VPS13C: variants seen among roughly 807,000 people sequenced by gnomAD.
The protein encoded by VPS13C is vacuolar protein sorting 13 homolog C, also known as intermembrane lipid transfer protein VPS13C.
VPS13C carries 358 observed loss-of-function variants against 456.8 expected under a neutral mutation model. That is an observed-to-expected ratio of 0.78 (90% CI 0.72 to 0.86). The LOEUF (loss-of-function observed/expected upper bound fraction) is 0.86, where lower values mean the gene tolerates loss of function less well. VPS13C is among the 40% of genes least tolerant of loss of function. The probability of loss-of-function intolerance (pLI) is 0.00; values close to 1 mark genes in which losing one functional copy is unlikely to be tolerated. For synonymous variants in VPS13C, 1,578 were observed against 1,486.7 expected, an observed-to-expected ratio of 1.06 and a Z score of -1.41; for missense variants, 4,818 against 4,385.4, an observed-to-expected ratio of 1.10 and a Z score of -2.79.
At position 61,866,676 on chromosome 15, in the gene VPS13C, G is replaced by T. The variant is rs145068829; in HGVS notation, c.10863+1983C>A. 840 of 985,018 alleles carry T rather than the reference G, an allele frequency of 8.5e-4. 7 individuals are homozygous for T. In the African/African-American group the frequency reaches 0.014, roughly 16 times the overall value. The allele number at this position is 985,018 out of a possible 1,614,324, so 61.0% of individuals were successfully genotyped here. On this transcript the variant is annotated intron_variant, in intron 81 of 84. Coordinates refer to ENST00000644861, the MANE Select transcript of VPS13C (RefSeq NM_020821.3). Reference sequence around the variant, plus strand: ...AAAGGTTTGTCAGCTACTTTTAACAGTTACATGTTTTGTTATACTTGGTCC... The same window carrying T: ...AAAGGTTTGTCAGCTACTTTTAACATTTACATGTTTTGTTATACTTGGTCC...
At chr15:61,857,820 A>C (rs1391205441) in intron 82 of VPS13C, among the ~76,000 whole-genome samples, 4 of 152,202 alleles carry the variant, frequency 2.6e-5, no homozygotes, top group African/African-American at 9.6e-5. Flanking sequence ...TAGAAGGCAG[A>C]CATGAATGAA....
At chr15:62,026,388 ATC>A (rs1220918004) in intron 6 of VPS13C, among the ~76,000 whole-genome samples, 1 of 152,088 alleles carries the variant, frequency 6.6e-6, no homozygotes, top group African/African-American at 2.4e-5. Flanking sequence ...CAAAAGTCAC[ATC>A]TGTTAATATT....
intron 23 of VPS13C, 100 bp from the exon 24 acceptor site, chr15:61,977,299 C>G: frequency 1.3e-6 from 1 of 741,104 alleles, no homozygotes; most frequent in Middle Eastern, 4.1e-4. Flanking sequence ...AATTGTCAGA[C>G]ATTCTATGGA....
chr15:61,900,670 A>C (rs1255895415), intron 66 of VPS13C, among the ~76,000 whole-genome samples: 6 of 147,808 alleles, frequency 4.1e-5, no homozygotes, highest in Admixed American at 6.8e-5. Context: ...ATATCGTGAA[A>C]ATGGCCATAC....
At chr15:61,962,022 T>C in intron 34 of VPS13C, 129 bp from the exon 35 acceptor site, 1 of 1,039,932 alleles carries the variant, frequency 9.6e-7, no homozygotes, top group Non-Finnish European at 1.4e-6. Context: ...AGCCCTATTT[T>C]TCTAGCAGTA....
At chr15:61,997,637 A>G (rs558232003) in intron 16 of VPS13C, among the ~76,000 whole-genome samples, 1 of 152,234 alleles carries the variant, frequency 6.6e-6, no homozygotes, top group African/African-American at 2.4e-5. Context: ...AACTGCTCCA[A>G]GTCAAAATAT....
intron 41 of VPS13C, among the ~76,000 whole-genome samples, chr15:61,950,055 G>A (rs753819578): frequency 1.1e-4 from 16 of 152,022 alleles, no homozygotes; most frequent in East Asian, 1.9e-4. Flanking sequence ...TTCCATCAAC[G>A]CTAGGCCAAA....
At chr15:62,026,542 A>G (rs1004190126) in intron 6 of VPS13C, among the ~76,000 whole-genome samples, 2 of 151,796 alleles carry the variant, frequency 1.3e-5, no homozygotes, top group African/African-American at 4.9e-5. Flanking sequence ...CTTTTCCTTG[A>G]AGTGGTTTTG....
intron 1 of VPS13C, among the ~76,000 whole-genome samples, chr15:62,046,300 T>C (rs1302160335): frequency 6.6e-6 from 1 of 152,170 alleles, no homozygotes; most frequent in African/African-American, 2.4e-5. Context: ...GGAGGCAGAA[T>C]TGACAGGATA....
chr15:61,867,832 T>TA lies in VPS13C; in HGVS notation c.10863+826dup. 6.5e-7 allele frequency: 1 copy of TA among 1,540,360 alleles called. No individual in the cohort carries two copies. The highest frequency in any genetic ancestry group is 1.3e-5 in the South Asian group (1 of 79,764). ...GTGAGAGTTTTAAAGAAAATTTCAT[T>TA]AAAATTGACAATGGAATTCACACAC... On this transcript the variant is annotated intron_variant, in intron 81 of 84. Coordinates refer to ENST00000644861, the MANE Select transcript of VPS13C (RefSeq NM_020821.3). The surrounding 1 kb of genome is among the most constrained non-coding windows in gnomAD (Gnocchi z 5.0).
chr15:61,881,538 A>G (rs758516840), intron 71 of VPS13C, 25 bp downstream of exon 71: 2 of 1,557,926 alleles, frequency 1.3e-6, no homozygotes, highest in African/African-American at 2.8e-5. Flanking sequence ...ATTCTTTTAG[A>G]GAAACAGCAG....
chr15:61,915,799 A>C lies in VPS13C; in HGVS notation c.8279T>G (p.Ile2760Ser), dbSNP rs1391061989. ...TVDLSVHVRRIGSRMVLSVFS... is the reference protein window; with the variant it reads ...TVDLSVHVRRSGSRMVLSVFS... ...GACAGACAGCACCATCCGGCTGCCA[A>C]TTCTCCTGACGTGGACTGACAGGTC... The change falls in exon 61 of 85, where the codon ATT becomes AGT. Residue 2760 changes from isoleucine to serine, a missense_variant. Around this residue, in one of 3 missense-constraint regions of VPS13C, gnomAD observed 4,552 missense variants for 4,130.6 expected, o/e 1.10. Transcript: ENST00000644861. The C allele has an allele frequency of 6.2e-7, 1 of 1,614,106 alleles. No individual in the cohort carries two copies. Among genetic ancestry groups the C allele is most frequent in the Non-Finnish European group, 8.5e-7 (1 of 1,180,010 alleles).
rs7179381 is a variant in VPS13C, at chr15:62,017,428, G to A, written c.684+3051C>T. Among the ~76,000 whole-genome samples, 769 of 152,124 alleles carry A rather than the reference G, an allele frequency of 5.1e-3. 10 individuals are homozygous for A. The highest frequency in any genetic ancestry group is 0.018 in the African/African-American group (743 of 41,528). ...GTTTTTATGGTTTTAGGTCTAACAT[G>A]TAAGTCTTTAGTCCATCTTGAATTG... On this transcript the variant is annotated intron_variant, in intron 9 of 84. Transcript: ENST00000644861.
intron 47 of VPS13C, among the ~76,000 whole-genome samples, chr15:61,937,690 G>T (rs544333606): frequency 6.6e-6 from 1 of 152,254 alleles, no homozygotes; most frequent in East Asian, 1.9e-4. Context: ...TAGCCAGGAT[G>T]GTCTCGATCT....
At chr15:61,860,343 A>G (rs1005955021) in intron 82 of VPS13C, among the ~76,000 whole-genome samples, 1 of 152,184 alleles carries the variant, frequency 6.6e-6, no homozygotes, top group Non-Finnish European at 1.5e-5. Context: ...GTCTCAGCAA[A>G]ACACAGGAGA....
At chr15:61,932,625 T>A (rs1367495765) in intron 49 of VPS13C, among the ~76,000 whole-genome samples, 1 of 151,340 alleles carries the variant, frequency 6.6e-6, no homozygotes, top group African/African-American at 2.4e-5. Flanking sequence ...ATAATAGGGG[T>A]GCTGGGTATG....
chr15:61,887,342 T>C (rs1440907839), intron 67 of VPS13C, among the ~76,000 whole-genome samples: 1 of 152,224 alleles, frequency 6.6e-6, no homozygotes, highest in Non-Finnish European at 1.5e-5. Context: ...ATACAATGTG[T>C]ATGTGATCTA....
chr15:61,963,508 C>G (rs1034324666), intron 32 of VPS13C, among the ~76,000 whole-genome samples: 19 of 152,084 alleles, frequency 1.2e-4, no homozygotes, highest in Non-Finnish European at 2.4e-4. Context: ...CTAGAAAGCA[C>G]GTCCACAGAC....
intron 4 of VPS13C, among the ~76,000 whole-genome samples, chr15:62,034,118 T>C (rs1205547122): frequency 6.6e-6 from 1 of 151,668 alleles, no homozygotes; most frequent in Non-Finnish European, 1.5e-5. Context: ...TAGTATTGAC[T>C]AGTATTTATA....
Sources: allele counts gnomAD v4.1 joint callset (sites outside exome capture counted in the v4.1 genomes callset), GRCh38; gene constraint gnomAD v4.1.1; regional missense constraint gnomAD v4.1.1; non-coding constraint Gnocchi (gnomAD v3.1); transcripts MANE v1.5; gene names NCBI Gene and HGNC (gene_info 2026-07-23, HGNC 2026-07-21).